Variants in ATL3 observed in about 807,000 individuals in gnomAD.
The protein encoded by ATL3 is atlastin GTPase 3, also known as atlastin-3.
Under a neutral mutation model 69.5 loss-of-function variants are expected in ATL3, and 49 were observed. The ratio of observed to expected loss-of-function variants is 0.71; its 90% CI spans 0.56 to 0.89. The LOEUF is 0.89. Ranked by LOEUF, ATL3 falls within the 40% of genes least tolerant of loss-of-function variation. ATL3 has a pLI of 0.00. For synonymous variants in ATL3, 214 were observed against 224.1 expected, an observed-to-expected ratio of 0.95 and a Z score of 0.40; for missense variants, 606 against 645.7, an observed-to-expected ratio of 0.94 and a Z score of 0.67.
chr11:63,647,303 C>T (rs541513692), intron 5 of ATL3, among the ~76,000 whole-genome samples: 83 of 152,322 alleles, frequency 5.4e-4, no homozygotes, highest in African/African-American at 1.9e-3. Context: ...AAGCGATTCT[C>T]CTGCCTCAGC....
intron 1 of ATL3, among the ~76,000 whole-genome samples, chr11:63,670,670 T>C (rs893833860): frequency 6.6e-6 from 1 of 152,244 alleles, no homozygotes; most frequent in African/African-American, 2.4e-5. Flanking sequence ...AAAACCAATT[T>C]AGACCAATTC....
chr11:63,630,608 C>G (rs1489885767), intron 12 of ATL3, among the ~76,000 whole-genome samples: 1 of 151,700 alleles, frequency 6.6e-6, no homozygotes, highest in African/African-American at 2.4e-5. Flanking sequence ...CCAGCCTGGT[C>G]AACATGGTGA....
chr11:63,668,643 C>G (rs1940662495), intron 1 of ATL3, among the ~76,000 whole-genome samples: 1 of 151,982 alleles, frequency 6.6e-6, no homozygotes, highest in Non-Finnish European at 1.5e-5. Context: ...TTCAGAAAAT[C>G]CAAGGAGAGG....
At position 63,633,083 on chromosome 11, in the gene ATL3, G is replaced by A. The variant is rs1359180391; in HGVS notation, c.1050C>T (p.Ala350=). The change falls in exon 11 of 13, where the codon GCC becomes GCT. Residue 350 remains alanine, a synonymous_variant. Coordinates refer to ENST00000398868, the MANE Select transcript of ATL3 (RefSeq NM_015459.5). The part of the protein sequence containing the change: ...PKSMLQATAE[A]NNLAAAASAK... ...CAGAGGCTGCAGCTGCTAAGTTGTTGGCTTCAGCAGTGGCCTTTTAAGAGA... is the reference window on the plus strand; with the variant it reads ...CAGAGGCTGCAGCTGCTAAGTTGTTAGCTTCAGCAGTGGCCTTTTAAGAGA... The A allele has an allele frequency of 1.2e-5, 19 of 1,614,046 alleles. No homozygotes were observed. The highest frequency in any genetic ancestry group is 1.6e-5 in the Non-Finnish European group (19 of 1,179,960).
chr11:63,631,409 G>C lies in ATL3; in HGVS notation c.1170C>G (p.Phe390Leu). The C allele has an allele frequency of 6.2e-7, 1 of 1,614,104 alleles. No individual in the cohort carries two copies. The highest frequency in any genetic ancestry group is 1.1e-5 in the South Asian group (1 of 91,072). ...PDILEEKHCE[F>L]KQLALDHFKK... is the part of the protein sequence containing the mutation. Reference sequence around the variant, plus strand: ...TAAAATGGTCCAGAGCAAGTTGTTTGAATTCACAGTGCTTCTCCTCTAGAA... The same window carrying C: ...TAAAATGGTCCAGAGCAAGTTGTTTCAATTCACAGTGCTTCTCCTCTAGAA... Residue 390 changes from phenylalanine to leucine, a missense_variant, in exon 12 of 13, where the codon TTC (phenylalanine) becomes TTG (leucine). Transcript: ENST00000398868.
intron 10 of ATL3, 25 bp from the exon 11 acceptor site, chr11:63,633,122 T>C (rs761351000): frequency 6.3e-7 from 1 of 1,590,554 alleles, no homozygotes; most frequent in South Asian, 1.1e-5. Context: ...AAACGTGAAC[T>C]GTAAATCCTT....
intron 10 of ATL3, among the ~76,000 whole-genome samples, chr11:63,633,584 A>G (rs1939399688): frequency 6.6e-6 from 1 of 151,700 alleles, no homozygotes; most frequent in Admixed American, 6.6e-5. Context: ...GAGTCTCCCT[A>G]TATTGCCCAA....
chr11:63,630,526 G>C (rs1001724200), intron 12 of ATL3, among the ~76,000 whole-genome samples: 1 of 151,060 alleles, frequency 6.6e-6, no homozygotes, highest in African/African-American at 2.4e-5. Context: ...GGCTGGGCAC[G>C]GTGGCTCACA....
At chr11:63,655,444 TC>T (rs1296503083) in intron 3 of ATL3, among the ~76,000 whole-genome samples, 1 of 144,206 alleles carries the variant, frequency 6.9e-6, no homozygotes, top group African/African-American at 2.6e-5. Flanking sequence ...AGCCACCGCA[TC>T]TGGCCTTTTT....
intron 1 of ATL3, among the ~76,000 whole-genome samples, chr11:63,663,621 C>T (rs1940487789): frequency 1.3e-5 from 2 of 152,170 alleles, no homozygotes; most frequent in African/African-American, 4.8e-5. Flanking sequence ...GCAGGTAAAT[C>T]CAAGATCCAA....
chr11:63,671,748 G>T, upstream of ATL3: 1 of 1,212,810 alleles, frequency 8.2e-7, no homozygotes. Context: ...GGCTTGGCGT[G>T]GTTCTCCGAC....
At chr11:63,644,062 T>C (rs183166108) in intron 7 of ATL3, 107 bp downstream of exon 7, 461 of 708,802 alleles carry the variant, frequency 6.5e-4, no homozygotes, top group Admixed American at 1.2e-3. Flanking sequence ...ATAGTTAATG[T>C]ATTCAATATC....
Position 63,629,309 on chromosome 11 carries a change from C to G in ATL3, c.*10G>C. On this transcript the variant is annotated 3_prime_UTR_variant, in exon 13 of 13. Coordinates refer to ENST00000398868, the MANE Select transcript of ATL3 (RefSeq NM_015459.5). ...TTGTTGTGTTCTTGTTTGATCTTCACGTTAAGATGCTATTGAGCTTTTTTA... is the reference window on the plus strand; with the variant it reads ...TTGTTGTGTTCTTGTTTGATCTTCAGGTTAAGATGCTATTGAGCTTTTTTA... 1 of 1,610,788 alleles carries G rather than the reference C, an allele frequency of 6.2e-7. No individual in the cohort carries two copies. Among genetic ancestry groups the G allele is most frequent in the Non-Finnish European group, 8.5e-7 (1 of 1,177,002 alleles).
upstream of ATL3, chr11:63,671,721 G>A: frequency 3.2e-6 from 4 of 1,267,882 alleles, no homozygotes; most frequent in African/African-American, 1.6e-5. Flanking sequence ...CTCATACTGC[G>A]CACTCATCTG....
chr11:63,652,149 C>T (rs1940097845), intron 4 of ATL3, among the ~76,000 whole-genome samples, 163 bp from the exon 5 acceptor site: 1 of 152,156 alleles, frequency 6.6e-6, no homozygotes, highest in African/African-American at 2.4e-5. Context: ...AAACTATGCA[C>T]ATAAGATTGA....
chr11:63,631,656 A>T (rs1414490194), intron 11 of ATL3, among the ~76,000 whole-genome samples, 185 bp from the exon 12 acceptor site: 2 of 152,218 alleles, frequency 1.3e-5, no homozygotes, highest in African/African-American at 2.4e-5. Context: ...AGCACACTTA[A>T]AAAACCAGGG....
intron 6 of ATL3, among the ~76,000 whole-genome samples, chr11:63,645,265 GGC>G (rs1939832934): frequency 1.3e-5 from 2 of 150,872 alleles, no homozygotes; most frequent in Non-Finnish European, 2.9e-5. Flanking sequence ...AAATTAGCCG[GGC>G]GCCTGAAATC....
rs751926157 is a variant in ATL3 at position 63,646,508 on chromosome 11, T to G, written c.617A>C (p.Gln206Pro). ...TATATTTAAAATAAATATTCTAACC[T>G]GGAAAGGCTTTTGGAAAATTTCATC... is the stretch of plus-strand genomic sequence containing the variant. ...AMDEIFQKPF[Q>P]TLMFLVRDWS... Residue 206 changes from glutamine to proline, a missense_variant and splice_region_variant, in exon 6 of 13, where the codon CAG becomes CCG. Transcript: ENST00000398868. The G allele has an allele frequency of 6.4e-7, 1 of 1,572,568 alleles. No individual in the cohort carries two copies.
chr11:63,648,468 T>C (rs1939959844), intron 5 of ATL3, among the ~76,000 whole-genome samples: 1 of 152,182 alleles, frequency 6.6e-6, no homozygotes, highest in African/African-American at 2.4e-5. Context: ...CCCAGTTGGA[T>C]TGTTAGTGGC....
Sources: gnomAD v4.1 joint callset for allele counts (sites outside exome capture counted in the v4.1 genomes callset) on GRCh38, gnomAD v4.1.1 for gene constraint, MANE v1.5 for transcripts, NCBI Gene and HGNC (gene_info 2026-07-23, HGNC 2026-07-21) for gene names.